The following PTPRU variants were observed in gnomAD, a reference collection of about 807,000 sequenced individuals.
The protein encoded by PTPRU is protein tyrosine phosphatase receptor type U.
In PTPRU, 69 loss-of-function variants were observed where a neutral mutation model predicts 166.3. The ratio of observed to expected loss-of-function variants is 0.41; its 90% confidence interval spans 0.34 to 0.51. PTPRU has a LOEUF of 0.51. Among genes scored for constraint, PTPRU ranks in the 20% least tolerant of loss-of-function variants. The pLI, the probability that PTPRU is intolerant of heterozygous loss-of-function variation, is 0.09. For missense variants in PTPRU, 1,657 were observed against 2,013.7 expected, an observed-to-expected ratio of 0.82 and a Z score of 3.39; for synonymous variants, 793 against 814.0, an observed-to-expected ratio of 0.97 and a Z score of 0.44.
Position 29,279,016 on chromosome 1 carries a change from C to A in PTPRU, c.1458C>A (p.Pro486=). 1 of 1,581,142 alleles carries A rather than the reference C, an allele frequency of 6.3e-7. No individual in the cohort carries two copies. The highest frequency in any genetic ancestry group is 2.3e-5 in the East Asian group (1 of 43,136). ...CCTGCTGCCTTTCCCTTGCAGTGCC[C>A]AGTGGGATTGCAGCCGAGTCCCTGA... ...EVTFQTDEDV[P]SGIAAESLTF... Residue 486 remains proline (P), a synonymous_variant, in exon 9 of 30, where the codon CCC becomes CCA. Transcript: ENST00000373779. The surrounding 1 kb of genome is among the most constrained non-coding windows in gnomAD (Gnocchi z 5.2).
chr1:29,288,070 C>G (rs549324176), intron 14 of PTPRU, among the ~76,000 whole-genome samples: 97 of 152,304 alleles, frequency 6.4e-4, no homozygotes, highest in African/African-American at 2.1e-3. Context: ...CCGCCTCGGC[C>G]TCCCAAAATG....
intron 25 of PTPRU, among the ~76,000 whole-genome samples, chr1:29,319,484 C>G (rs1020322547): frequency 1.3e-5 from 2 of 152,200 alleles, no homozygotes; most frequent in East Asian, 1.9e-4. Flanking sequence ...ATTTCTCAGA[C>G]AGGCCCTGAA....
chr1:29,257,772 A>G lies in PTPRU; in HGVS notation c.206-733A>G, dbSNP rs1469077743. On this transcript the variant is annotated intron_variant, in intron 2 of 29. Transcript: ENST00000373779. The surrounding 1 kb of genome is among the most constrained non-coding windows in gnomAD (Gnocchi z 4.6). ...GCACTTTAGTAATGACCCAGGGGGC[A>G]GGAGAGAAGCCCAGGGTGGGAGGCA... Among the ~76,000 whole-genome samples the G allele has an allele frequency of 1.3e-5, 2 of 152,068 alleles. No individual in the cohort carries two copies. The highest frequency in any genetic ancestry group is 2.9e-5 in the Non-Finnish European group (2 of 68,002).
In PTPRU at chr1:29,312,621, T is replaced by C; in HGVS notation, c.3142T>C (p.Tyr1048His). ...FTAWPEHGVP[Y>H]HATGLLAFIR... ...AGCGTGGCCAGAGCATGGCGTCCCCTACCATGCCACGGGGCTGCTGGCTTT... is the reference window on the plus strand; with the variant it reads ...AGCGTGGCCAGAGCATGGCGTCCCCCACCATGCCACGGGGCTGCTGGCTTT... Residue 1048 changes from tyrosine (Y) to histidine (H), a missense_variant, in exon 22 of 30, where the codon TAC (tyrosine) becomes CAC (histidine). Physicochemically the swap from Tyr to His is moderately conservative, Grantham distance 83. Coordinates refer to ENST00000373779, the MANE Select transcript of PTPRU (RefSeq NM_133178.4). The C allele has an allele frequency of 6.2e-7, 1 of 1,611,680 alleles. No homozygotes were observed. Among genetic ancestry groups the C allele is most frequent in the Non-Finnish European group, 8.5e-7 (1 of 1,178,258 alleles).
Position 29,237,618 on chromosome 1 carries a change from C to T in PTPRU, c.73+901C>T, listed in dbSNP as rs1311677896. On this transcript the variant is annotated intron_variant, in intron 1 of 29. Transcript: ENST00000373779. The surrounding 1 kb of genome is among the most constrained non-coding windows in gnomAD (Gnocchi z 6.4). ...GCCGGAACAAGTTGTCGCGGCGGCG[C>T]CCCCTGGGCTGCCCGGGTCGGGCAG... Among the ~76,000 whole-genome samples the T allele has an allele frequency of 1.2e-4, 18 of 151,036 alleles. No homozygotes were observed. In the East Asian group the frequency reaches 2.9e-3, roughly 25 times the overall value.
chr1:29,314,737 C>A (rs916081882), intron 22 of PTPRU, among the ~76,000 whole-genome samples: 11 of 152,044 alleles, frequency 7.2e-5, no homozygotes, highest in African/African-American at 2.7e-4. Context: ...GCCACCACAC[C>A]CGGCTATTTT....
intron 12 of PTPRU, 49 bp from the exon 13 acceptor site, chr1:29,283,891 G>GGA (rs1304254959): frequency 1.2e-6 from 2 of 1,611,494 alleles, no homozygotes; most frequent in Non-Finnish European, 1.7e-6. Flanking sequence ...CCCTGGGGAG[G>GGA]GAGAGGTCGG....
intron 18 of PTPRU, chr1:29,307,104 C>G: frequency 6.2e-7 from 1 of 1,612,820 alleles, no homozygotes; most frequent in Non-Finnish European, 8.5e-7. Context: ...TTGCTTTGTA[C>G]TGTTTCCTCA....
At chr1:29,254,293 G>A (rs2151943105) in intron 1 of PTPRU, among the ~76,000 whole-genome samples, 1 of 152,284 alleles carries the variant, frequency 6.6e-6, no homozygotes, top group South Asian at 2.1e-4. Flanking sequence ...AACCAATAGT[G>A]TTCTCAGGTT....
rs115788140 is a variant in PTPRU, at chr1:29,238,317, C to T, written c.73+1600C>T. Among the ~76,000 whole-genome samples, 327 of 152,276 alleles carry T rather than the reference C, an allele frequency of 2.1e-3. 3 individuals carry two copies. Among genetic ancestry groups the T allele is most frequent in the African/African-American group, 7.0e-3 (293 of 41,562 alleles). On this transcript the variant is annotated intron_variant, in intron 1 of 29. Transcript: ENST00000373779. This position sits in a 1 kb window ranked among gnomAD's most constrained non-coding sequence, Gnocchi z 6.1. The stretch of plus-strand genomic sequence containing the variant: ...CCCTGAGGCCTGGGATCCTAGACCG[C>T]GGCCCCTTCCCGCGGAGTTTCGGGG...
Position 29,316,161 on chromosome 1 carries a change from G to T in PTPRU, c.3513+10G>T. On this transcript the variant is annotated intron_variant, in intron 24 of 29. Transcript: ENST00000373779. ...GCGGGAAGAGTTCCAGGTGGGGGAT[G>T]AGTGCGTGTGTATAGGTGTGTGTGT... is the stretch of plus-strand genomic sequence containing the variant. The T allele has an allele frequency of 6.2e-7, 1 of 1,612,510 alleles. No individual in the cohort carries two copies. Among genetic ancestry groups the T allele is most frequent in the Non-Finnish European group, 8.5e-7 (1 of 1,178,912 alleles).
chr1:29,323,204 A>C (rs1688240360), intron 26 of PTPRU, 167 bp from the exon 27 acceptor site: 1 of 880,278 alleles, frequency 1.1e-6, no homozygotes, highest in Non-Finnish European at 1.7e-6. Context: ...GCCTGTGGGC[A>C]ACTGGTGGTG....
chr1:29,256,085 A>T (rs1302196846), intron 2 of PTPRU, among the ~76,000 whole-genome samples: 1 of 152,166 alleles, frequency 6.6e-6, no homozygotes, highest in Non-Finnish European at 1.5e-5. Context: ...CACTTAACGT[A>T]TCTGAGCCTC....
At position 29,259,507 on chromosome 1, in the gene PTPRU, G is replaced by A; in HGVS notation, c.618G>A (p.Ala206=). The A allele has an allele frequency of 1.2e-6, 2 of 1,611,722 alleles. No individual in the cohort carries two copies. The highest frequency in any genetic ancestry group is 1.7e-6 in the Non-Finnish European group (2 of 1,179,006). The change falls in exon 5 of 30, where the codon GCG becomes GCA. Residue 206 remains alanine, a synonymous_variant. Transcript: ENST00000373779. ...GDVEVNAGQN[A]SFQCMAAGRA... Reference sequence around the variant, plus strand: ...TGGAGGTCAACGCGGGCCAGAACGCGTCGTTCCAGTGCATGGCCGCGGGCA... The same window carrying A: ...TGGAGGTCAACGCGGGCCAGAACGCATCGTTCCAGTGCATGGCCGCGGGCA...
intron 7 of PTPRU, among the ~76,000 whole-genome samples, chr1:29,270,189 C>T (rs1284701420): frequency 6.6e-6 from 1 of 152,166 alleles, no homozygotes; most frequent in Non-Finnish European, 1.5e-5. Flanking sequence ...TTATTAATTA[C>T]TATAGACTGG....
Position 29,311,611 on chromosome 1 carries a change from G to C in PTPRU, c.2956-32G>C. The stretch of plus-strand genomic sequence containing the variant: ...TGGCAGGCCAAGGGGGCAGCAAAGA[G>C]CCCACTGAGTCCCGTCCTGTGGGGC... On this transcript the variant is annotated intron_variant, in intron 20 of 29. Coordinates refer to ENST00000373779, the MANE Select transcript of PTPRU (RefSeq NM_133178.4). This position sits in a 1 kb window ranked among gnomAD's most constrained non-coding sequence, Gnocchi z 4.1. The C allele has an allele frequency of 1.9e-6, 3 of 1,614,060 alleles. No individual in the cohort carries two copies. The highest frequency in any genetic ancestry group is 2.5e-6 in the Non-Finnish European group (3 of 1,179,892).
intron 16 of PTPRU, 28 bp downstream of exon 16, chr1:29,304,073 T>C (rs772323027): frequency 1.2e-5 from 19 of 1,588,628 alleles, no homozygotes; most frequent in Non-Finnish European, 1.6e-5. Flanking sequence ...GCCAGCAGGA[T>C]CCCTGCAGAG....
At chr1:29,259,163 TTGAGGCAGAGGAGGC>T (rs944610058) in intron 3 of PTPRU, 83 bp from the exon 4 acceptor site, 20 of 1,294,138 alleles carry the variant, frequency 1.5e-5, no homozygotes, top group Admixed American at 8.2e-5. Context: ...CCTCTGCTAG[TTGAGGCAGAGGAGGC>T]TGAGGCCGAG....
At chr1:29,273,454 A>T (rs1685662032) in intron 7 of PTPRU, among the ~76,000 whole-genome samples, 1 of 152,086 alleles carries the variant, frequency 6.6e-6, no homozygotes, top group African/African-American at 2.4e-5. Context: ...CTTTTAGTAG[A>T]GATGGGTCTT....
Sources: allele counts gnomAD v4.1 joint callset (sites outside exome capture counted in the v4.1 genomes callset), GRCh38; gene constraint gnomAD v4.1.1; non-coding constraint Gnocchi (gnomAD v3.1); transcripts MANE v1.5; gene names NCBI Gene and HGNC (gene_info 2026-07-23, HGNC 2026-07-21).